Variants in PTPN3 observed in about 807,000 individuals in gnomAD.
PTPN3 encodes the protein protein tyrosine phosphatase non-receptor type 3, also known as tyrosine-protein phosphatase non-receptor type 3.
In PTPN3, 96 loss-of-function variants were observed where a neutral mutation model predicts 132.7. That is an observed-to-expected ratio of 0.72 (90% CI 0.61 to 0.86). The LOEUF (loss-of-function observed/expected upper bound fraction) is 0.86, where lower values mean the gene tolerates loss of function less well. PTPN3 is among the 40% of genes least tolerant of loss of function. The pLI, the probability that PTPN3 is intolerant of heterozygous loss-of-function variation, is 0.00. For missense variants in PTPN3, 1,125 were observed against 1,159.6 expected, an observed-to-expected ratio of 0.97 and a Z score of 0.43; for synonymous variants, 398 against 429.0, an observed-to-expected ratio of 0.93 and a Z score of 0.89.
intron 1 of PTPN3, among the ~76,000 whole-genome samples, chr9:109,476,574 CAAG>C (rs1310181836): frequency 2.0e-5 from 3 of 152,220 alleles, no homozygotes. Flanking sequence ...GTGACTGGAC[CAAG>C]AAGATCTTTG....
the PTPN3 span, chr9:109,534,323 C>T: frequency 1.3e-6 from 2 of 1,521,280 alleles, no homozygotes; most frequent in South Asian, 1.2e-5. Context: ...GTCTCGGCCT[C>T]GCTGCTCAAG....
At chr9:109,517,194 C>A in the PTPN3 span, among the ~76,000 whole-genome samples, 1 of 152,042 alleles carries the variant, frequency 6.6e-6, no homozygotes, top group Non-Finnish European at 1.5e-5. Context: ...CTAGATGGAC[C>A]TAAGAGTTAT....
chr9:109,490,106 C>T (rs1463123449), intron 1 of PTPN3, among the ~76,000 whole-genome samples: 1 of 151,958 alleles, frequency 6.6e-6, no homozygotes, highest in African/African-American at 2.4e-5. Context: ...TCACTTGAAC[C>T]CAGGAGGCAG....
chr9:109,414,266 T>C (rs1842307607), intron 14 of PTPN3, among the ~76,000 whole-genome samples: 1 of 152,228 alleles, frequency 6.6e-6, no homozygotes, highest in South Asian at 2.1e-4. Context: ...CTTCTGAGAA[T>C]GTGCTGTGCA....
the PTPN3 span, among the ~76,000 whole-genome samples, chr9:109,521,063 G>A: frequency 6.6e-6 from 1 of 152,180 alleles, no homozygotes; most frequent in Non-Finnish European, 1.5e-5. Context: ...CTCCACTCAA[G>A]TGTATGGAAT....
chr9:109,441,307 G>T (rs1157167807), intron 7 of PTPN3, among the ~76,000 whole-genome samples: 1 of 152,226 alleles, frequency 6.6e-6, no homozygotes, highest in Non-Finnish European at 1.5e-5. Context: ...GCAGCAAAGA[G>T]AGGGTATATC....
At chr9:109,454,653 G>T in intron 4 of PTPN3, 79 bp from the exon 5 acceptor site, 1 of 1,123,416 alleles carries the variant, frequency 8.9e-7, no homozygotes, top group Non-Finnish European at 1.3e-6. Flanking sequence ...TTCCATAAGT[G>T]ATGCATTTTT....
chr9:109,380,670 T>A (rs895938744), intron 25 of PTPN3, among the ~76,000 whole-genome samples: 2 of 152,220 alleles, frequency 1.3e-5, no homozygotes. Flanking sequence ...GCTGATTTTT[T>A]TTCTCTTAAC....
chr9:109,534,281 G>C, the PTPN3 span: 1 of 1,540,716 alleles, frequency 6.5e-7, no homozygotes, highest in South Asian at 1.1e-5. Flanking sequence ...AGGGCGGGGG[G>C]CGGCGAGCGG....
chr9:109,394,803 T>C (rs10979851), intron 19 of PTPN3, among the ~76,000 whole-genome samples: 42,040 of 152,024 alleles, frequency 0.28, 5,971 homozygotes, highest in Non-Finnish European at 0.29. Context: ...GGAACAAGTA[T>C]GGAAGGATAC....
intron 22 of PTPN3, among the ~76,000 whole-genome samples, chr9:109,384,231 C>G (rs886167259): frequency 1.3e-5 from 2 of 152,086 alleles, no homozygotes; most frequent in African/African-American, 4.8e-5. Flanking sequence ...GGGTTACATA[C>G]CAGCTTGAGT....
At chr9:109,383,240 C>T in intron 23 of PTPN3, 183 bp downstream of exon 23, 1 of 1,001,760 alleles carries the variant, frequency 1.0e-6, no homozygotes. Flanking sequence ...CACCTCGTGC[C>T]TGTTGTGACT....
chr9:109,385,677 A>C (rs1839522949), intron 22 of PTPN3, among the ~76,000 whole-genome samples: 1 of 152,236 alleles, frequency 6.6e-6, no homozygotes, highest in South Asian at 2.1e-4. Context: ...TAAATTAAAC[A>C]GTAACATATG....
At chr9:109,523,401 A>T in the PTPN3 span, among the ~76,000 whole-genome samples, 1 of 152,188 alleles carries the variant, frequency 6.6e-6, no homozygotes. Flanking sequence ...GGCATGAGCC[A>T]CTGTGCCCAG....
At chr9:109,416,128 T>C (rs182195810) in intron 14 of PTPN3, among the ~76,000 whole-genome samples, 2 of 152,210 alleles carry the variant, frequency 1.3e-5, no homozygotes, top group Non-Finnish European at 2.9e-5. Flanking sequence ...AGTGACTACA[T>C]TGGAATTGTC....
intron 18 of PTPN3, among the ~76,000 whole-genome samples, chr9:109,405,279 CG>C: frequency 6.6e-6 from 1 of 152,252 alleles, no homozygotes; most frequent in African/African-American, 2.4e-5. Flanking sequence ...TAAGGCCTCA[CG>C]GAGGAGGTGG....
the PTPN3 span, among the ~76,000 whole-genome samples, chr9:109,518,804 T>C: frequency 2.6e-5 from 4 of 152,158 alleles, no homozygotes; most frequent in Non-Finnish European, 5.9e-5. Context: ...GCAAGTTCCT[T>C]CTCTGCCCTG....
intron 12 of PTPN3, among the ~76,000 whole-genome samples, chr9:109,425,907 G>A (rs1175379025): frequency 6.6e-6 from 1 of 151,486 alleles, no homozygotes; most frequent in South Asian, 2.1e-4. Flanking sequence ...CTAGCTACTC[G>A]GGAGGCTGAG....
intron 18 of PTPN3, among the ~76,000 whole-genome samples, chr9:109,404,951 C>G (rs1841437401): frequency 1.3e-5 from 2 of 152,090 alleles, no homozygotes; most frequent in African/African-American, 4.8e-5. Flanking sequence ...ATTCTTCTAC[C>G]CATCCCGACT....
Sources: allele counts gnomAD v4.1 joint callset (sites outside exome capture counted in the v4.1 genomes callset), GRCh38; gene constraint gnomAD v4.1.1; transcripts MANE v1.5; gene names NCBI Gene and HGNC (gene_info 2026-07-23, HGNC 2026-07-21).